Variants in FRMD3 observed in about 807,000 individuals in gnomAD.
FRMD3 encodes the protein FERM domain-containing protein 3.
A neutral mutation model predicts 70.2 loss-of-function variants in FRMD3; 33 were observed. The observed-to-expected ratio is 0.47, with a 90% CI of 0.36 to 0.63. FRMD3 has a LOEUF of 0.63. FRMD3 is among the 20% of genes least tolerant of loss of function. The pLI is 0.00. For missense variants in FRMD3, 632 were observed against 711.4 expected, an observed-to-expected ratio of 0.89 and a Z score of 1.27; for synonymous variants, 279 against 255.9, an observed-to-expected ratio of 1.09 and a Z score of -0.86.
intron 2 of FRMD3, among the ~76,000 whole-genome samples, chr9:83,384,430 C>G (rs1423981880): frequency 6.6e-6 from 1 of 152,180 alleles, no homozygotes; most frequent in Non-Finnish European, 1.5e-5. Context: ...CCTCCAATCA[C>G]TGGGCCAGCT....
At chr9:83,557,769 T>C in the FRMD3 span, among the ~76,000 whole-genome samples, 17 of 152,260 alleles carry the variant, frequency 1.1e-4, no homozygotes, top group East Asian at 3.3e-3. Flanking sequence ...AAAAGAAATA[T>C]GATGGAAACA....
chr9:83,326,687 CA>C (rs1039659717), intron 6 of FRMD3, among the ~76,000 whole-genome samples: 1 of 152,018 alleles, frequency 6.6e-6, no homozygotes, highest in African/African-American at 2.4e-5. Context: ...CTGTTTCTGG[CA>C]AAAATTCTGG....
intron 13 of FRMD3, among the ~76,000 whole-genome samples, chr9:83,258,293 G>T (rs1170083529): frequency 6.6e-6 from 1 of 152,178 alleles, no homozygotes; most frequent in African/African-American, 2.4e-5. Context: ...AAAATTAATT[G>T]TAACTGAAAA....
chr9:83,363,715 C>T (rs556074178), intron 3 of FRMD3, among the ~76,000 whole-genome samples: 126 of 152,146 alleles, frequency 8.3e-4, no homozygotes, highest in African/African-American at 3.0e-3. Flanking sequence ...CCACCTCGCC[C>T]GGCTAATTTT....
At chr9:83,552,736 C>G in the FRMD3 span, among the ~76,000 whole-genome samples, 4 of 152,040 alleles carry the variant, frequency 2.6e-5, no homozygotes, top group Admixed American at 6.6e-5. Flanking sequence ...TAATGCCTTT[C>G]TTTGTCTTTT....
In FRMD3 at chr9:83,258,522, T is replaced by C. The variant is rs75734099; in HGVS notation, c.1196-10006A>G. Among the ~76,000 whole-genome samples, 1,024 of 152,304 alleles carry C rather than the reference T, an allele frequency of 6.7e-3. 10 individuals carry two copies. Among genetic ancestry groups the C allele is most frequent in the African/African-American group, 0.023 (938 of 41,576 alleles). On this transcript the variant is annotated intron_variant, in intron 13 of 13. Coordinates refer to ENST00000304195, the MANE Select transcript of FRMD3 (RefSeq NM_174938.6). ...CAATATTGGGCGTCAGCAGAACAAA[T>C]GCCTTAAAATGAGGATACTAATGAC...
chr9:83,368,834 C>A (rs1183341177), intron 3 of FRMD3, among the ~76,000 whole-genome samples: 1 of 151,992 alleles, frequency 6.6e-6, no homozygotes, highest in East Asian at 1.9e-4. Flanking sequence ...ATGTATATAT[C>A]TTTAGATCTA....
intron 10 of FRMD3, among the ~76,000 whole-genome samples, chr9:83,301,158 C>T (rs1043658007): frequency 2.0e-5 from 3 of 152,160 alleles, no homozygotes; most frequent in Admixed American, 1.3e-4. Flanking sequence ...GGGGGCCCTG[C>T]AGTGTGCTGG....
intron 1 of FRMD3, among the ~76,000 whole-genome samples, chr9:83,433,560 CT>C (rs1390321248): frequency 1.3e-5 from 2 of 152,298 alleles, no homozygotes; most frequent in Admixed American, 6.5e-5. Context: ...TTATTGTGCA[CT>C]TTATTTCTAT....
intron 2 of FRMD3, among the ~76,000 whole-genome samples, chr9:83,388,002 G>T (rs1455670078): frequency 6.6e-6 from 1 of 152,140 alleles, no homozygotes; most frequent in Non-Finnish European, 1.5e-5. Flanking sequence ...CTGACGTCAT[G>T]TCAGCCCCAC....
At chr9:83,555,379 C>T in the FRMD3 span, among the ~76,000 whole-genome samples, 1 of 151,946 alleles carries the variant, frequency 6.6e-6, no homozygotes, top group African/African-American at 2.4e-5. Flanking sequence ...GATCAGGCAC[C>T]CACTTAAAGC....
chr9:83,342,391 C>T (rs1403764987), intron 5 of FRMD3, among the ~76,000 whole-genome samples: 1 of 152,200 alleles, frequency 6.6e-6, no homozygotes, highest in East Asian at 1.9e-4. Context: ...TGCGCTACCC[C>T]TGGCCTGGTG....
At chr9:83,425,826 G>C (rs923443215) in intron 1 of FRMD3, among the ~76,000 whole-genome samples, 3 of 140,192 alleles carry the variant, frequency 2.1e-5, no homozygotes, top group South Asian at 2.3e-4. Flanking sequence ...AGAATTGCCT[G>C]AACCCAGGAG....
At chr9:83,437,947 G>A (rs998074255) in intron 1 of FRMD3, among the ~76,000 whole-genome samples, 5 of 152,200 alleles carry the variant, frequency 3.3e-5, no homozygotes, top group Admixed American at 1.3e-4. Flanking sequence ...AGGATAAAAA[G>A]AGAGAAGGGG....
At chr9:83,291,643 C>T (rs527769182) in intron 12 of FRMD3, among the ~76,000 whole-genome samples, 30 of 152,178 alleles carry the variant, frequency 2.0e-4, no homozygotes, top group African/African-American at 7.0e-4. Context: ...ACTGCATTTT[C>T]ACCTCTGTCT....
At chr9:83,358,425 G>C (rs985535760) in intron 3 of FRMD3, among the ~76,000 whole-genome samples, 5 of 151,944 alleles carry the variant, frequency 3.3e-5, no homozygotes, top group Admixed American at 6.5e-5. Flanking sequence ...GCTCTTTTTT[G>C]GTTCCATATG....
intron 1 of FRMD3, among the ~76,000 whole-genome samples, chr9:83,521,867 C>T (rs1189848786): frequency 2.0e-5 from 3 of 152,352 alleles, no homozygotes; most frequent in Non-Finnish European, 4.4e-5. Flanking sequence ...TCCCTAACTG[C>T]ACCTTTTCTC....
At chr9:83,257,488 TC>T (rs1344636452) in intron 13 of FRMD3, among the ~76,000 whole-genome samples, 3 of 152,078 alleles carry the variant, frequency 2.0e-5, no homozygotes, top group Non-Finnish European at 4.4e-5. Flanking sequence ...AACCTGCACA[TC>T]CTGCACACGT....
At chr9:83,371,550 C>A (rs1249454726) in intron 3 of FRMD3, among the ~76,000 whole-genome samples, 6 of 152,214 alleles carry the variant, frequency 3.9e-5, no homozygotes, top group African/African-American at 1.4e-4. Context: ...CTCTTGACCT[C>A]CTGATCCGCC....
Sources: allele counts gnomAD v4.1 joint callset (sites outside exome capture counted in the v4.1 genomes callset), GRCh38; gene constraint gnomAD v4.1.1; transcripts MANE v1.5; gene names NCBI Gene and HGNC (gene_info 2026-07-23, HGNC 2026-07-21).